Variants in AKAP13 observed in about 807,000 individuals in gnomAD.
AKAP13 encodes the protein A-kinase anchor protein 13.
A neutral mutation model predicts 264.5 loss-of-function variants in AKAP13; 80 were observed. The ratio of observed to expected loss-of-function variants is 0.30; its 90% CI spans 0.25 to 0.36. The LOEUF (loss-of-function observed/expected upper bound fraction) is 0.36. Among genes scored for constraint, AKAP13 ranks in the 10% least tolerant of loss-of-function variants. The pLI is 1.00. For missense variants in AKAP13, 3,712 were observed against 3,435.2 expected (o/e 1.08, Z -2.01); for synonymous variants, 1,380 against 1,250.2 (o/e 1.10, Z -2.19).
rs1207444079 is a variant in AKAP13, at chr15:85,434,668, C to G, written c.-11-51042C>G. On this transcript the variant is annotated intron_variant, in intron 1 of 36. Transcript: ENST00000394518. ...CCTCAAGTGGGTCCCTGACCCCTGA[C>G]CCCCGAGCAGCCTAACTGGGAGGTA... 2.6e-5 allele frequency among the ~76,000 whole-genome samples: 4 copies of G among 152,244 alleles called. No homozygotes were observed. The East Asian group carries it at 5.8e-4, about 22-fold the overall frequency.
chr15:85,615,785 A>C (rs2080908159), intron 8 of AKAP13, among the ~76,000 whole-genome samples: 1 of 152,222 alleles, frequency 6.6e-6, no homozygotes, highest in African/African-American at 2.4e-5. Flanking sequence ...GTATCCCATG[A>C]ACTATATGGC....
intron 33 of AKAP13, among the ~76,000 whole-genome samples, chr15:85,738,808 G>T (rs904766705): frequency 3.6e-5 from 5 of 138,624 alleles, no homozygotes; most frequent in African/African-American, 1.4e-4. Flanking sequence ...ACTGCAGTCC[G>T]CAGTCCGGCC....
chr15:85,678,417 C>T (rs1012410308), intron 14 of AKAP13, among the ~76,000 whole-genome samples: 2 of 151,978 alleles, frequency 1.3e-5, no homozygotes, highest in African/African-American at 4.8e-5. Context: ...AAATGGTGGC[C>T]TTATTAAGGA....
chr15:85,399,535 A>AAAATAAAT (rs1315010301), intron 1 of AKAP13, among the ~76,000 whole-genome samples: 19 of 105,584 alleles, frequency 1.8e-4, no homozygotes, highest in African/African-American at 2.4e-4. Flanking sequence ...AAAAAATAAA[A>AAAATAAAT]AAATAAATAA....
At chr15:85,725,156 G>A (rs967696313) in intron 26 of AKAP13, among the ~76,000 whole-genome samples, 8 of 152,158 alleles carry the variant, frequency 5.3e-5, no homozygotes, top group East Asian at 3.9e-4. Context: ...TAAAGTTGTG[G>A]TCAAGCCAGC....
At chr15:85,719,352 CTT>C (rs775811161) in intron 23 of AKAP13, 26 bp downstream of exon 23, 1 of 1,609,650 alleles carries the variant, frequency 6.2e-7, no homozygotes, top group South Asian at 1.1e-5. Flanking sequence ...ATCTCAGGTT[CTT>C]ACATACACTG....
chr15:85,457,287 T>C (rs2074315122), intron 1 of AKAP13, among the ~76,000 whole-genome samples: 1 of 152,246 alleles, frequency 6.6e-6, no homozygotes, highest in Non-Finnish European at 1.5e-5. Context: ...TATATCATTG[T>C]GGCAGCTTCT....
intron 16 of AKAP13, among the ~76,000 whole-genome samples, chr15:85,689,692 T>C (rs532872787): frequency 6.6e-6 from 1 of 152,364 alleles, no homozygotes; most frequent in African/African-American, 2.4e-5. Context: ...GATGTGTTCC[T>C]TAACTTCCCG....
chr15:85,687,697 A>G (rs974139599), intron 16 of AKAP13, among the ~76,000 whole-genome samples: 18 of 152,110 alleles, frequency 1.2e-4, no homozygotes, highest in African/African-American at 4.1e-4. Flanking sequence ...CTCACTTTTA[A>G]ATAAAATTGG....
intron 10 of AKAP13, among the ~76,000 whole-genome samples, chr15:85,648,834 G>A (rs1406326893): frequency 2.0e-5 from 3 of 152,130 alleles, no homozygotes; most frequent in Non-Finnish European, 4.4e-5. Context: ...GCAAGACCCT[G>A]TCTCAAAAAT....
At chr15:85,582,839 C>T in intron 7 of AKAP13, 5 of 984,544 alleles carry the variant, frequency 5.1e-6, no homozygotes, top group Non-Finnish European at 6.0e-6. Context: ...GCCCAGTCTG[C>T]TGAGCTGCTG....
chr15:85,735,426 A>G, intron 31 of AKAP13, 134 bp from the exon 32 acceptor site: 1 of 931,810 alleles, frequency 1.1e-6, no homozygotes, highest in Non-Finnish European at 1.6e-6. Context: ...AGCTGCCACC[A>G]AGCAGCTCCC....
At chr15:85,408,407 A>C (rs1596073193) in intron 1 of AKAP13, among the ~76,000 whole-genome samples, 1 of 151,920 alleles carries the variant, frequency 6.6e-6, no homozygotes, top group East Asian at 1.9e-4. Flanking sequence ...TGCAGTCATC[A>C]CCACTGTCCA....
Position 85,684,126 on chromosome 15 carries a change from A to G in AKAP13, c.5157-615A>G, listed in dbSNP as rs773579091. On this transcript the variant is annotated intron_variant, in intron 15 of 36. Transcript: ENST00000394518. ...AGTACCCTGTCATTCTGCTACATAT[A>G]TGGGTTTCCTTTCAAGCACCCATTT... is the stretch of plus-strand genomic sequence containing the variant. 1.5e-3 allele frequency among the ~76,000 whole-genome samples: 226 copies of G among 152,298 alleles called. 1 individual carries two copies. The highest frequency in any genetic ancestry group is 3.7e-3 in the Admixed American group (57 of 15,304).
rs62023920 is a variant in AKAP13 at position 85,568,923 on chromosome 15, G to A, written c.663-6208G>A. Among the ~76,000 whole-genome samples the A allele has an allele frequency of 2.9e-3, 444 of 152,250 alleles. 2 individuals carry two copies. The highest frequency in any genetic ancestry group is 5.1e-3 in the Non-Finnish European group (347 of 68,018). Reference sequence around the variant, plus strand: ...CCCTAGGGTAATTGCCCCATAACAAGAGTGGCTGTAAGAGTCCAGGTAATT... The same window carrying A: ...CCCTAGGGTAATTGCCCCATAACAAAAGTGGCTGTAAGAGTCCAGGTAATT... On this transcript the variant is annotated intron_variant, in intron 5 of 36. Coordinates refer to ENST00000394518, the MANE Select transcript of AKAP13 (RefSeq NM_007200.5).
chr15:85,429,543 A>G (rs1447888900), intron 1 of AKAP13, among the ~76,000 whole-genome samples: 1 of 152,226 alleles, frequency 6.6e-6, no homozygotes, highest in East Asian at 1.9e-4. Flanking sequence ...TCTGGCCTTC[A>G]GGAAATTTAG....
chr15:85,584,719 C>T (rs2079268460), intron 7 of AKAP13, among the ~76,000 whole-genome samples: 1 of 152,110 alleles, frequency 6.6e-6, no homozygotes, highest in Non-Finnish European at 1.5e-5. Context: ...GTCATGTGCT[C>T]CTAGAATAAA....
chr15:85,590,072 A>G (rs757116277), intron 8 of AKAP13, among the ~76,000 whole-genome samples: 1 of 152,130 alleles, frequency 6.6e-6, no homozygotes, highest in Non-Finnish European at 1.5e-5. Flanking sequence ...CATTTGTGTA[A>G]TATTTAACCT....
At chr15:85,523,589 T>G (rs2076910885) in intron 3 of AKAP13, among the ~76,000 whole-genome samples, 1 of 152,216 alleles carries the variant, frequency 6.6e-6, no homozygotes, top group Non-Finnish European at 1.5e-5. Flanking sequence ...TTATTTATCT[T>G]ATTTATTTTC....
Sources: gnomAD v4.1 joint callset for allele counts (sites outside exome capture counted in the v4.1 genomes callset) on GRCh38, gnomAD v4.1.1 for gene constraint, MANE v1.5 for transcripts, NCBI Gene and HGNC (gene_info 2026-07-23, HGNC 2026-07-21) for gene names.